The following UBE4B variants were observed in gnomAD, a reference collection of about 807,000 sequenced individuals.
UBE4B encodes ubiquitination factor E4B, also known as ubiquitin conjugation factor E4 B.
In UBE4B, 27 loss-of-function variants were observed where a neutral mutation model predicts 148.1. The ratio of observed to expected loss-of-function variants is 0.18; its 90% CI spans 0.13 to 0.25. The LOEUF (loss-of-function observed/expected upper bound fraction) is 0.25. Ranked by LOEUF, UBE4B falls within the 10% of genes least tolerant of loss-of-function variation. The probability of loss-of-function intolerance (pLI) is 1.00; values close to 1 mark genes in which losing one functional copy is unlikely to be tolerated. For synonymous variants in UBE4B, 596 were observed against 619.3 expected (o/e 0.96, Z 0.56); for missense variants, 1,170 against 1,662.4 (o/e 0.70, Z 5.15).
intron 2 of UBE4B, among the ~76,000 whole-genome samples, chr1:10,088,998 C>T (rs181475077): frequency 6.6e-6 from 1 of 152,174 alleles, no homozygotes; most frequent in East Asian, 1.9e-4. Flanking sequence ...TTTGTTTAGT[C>T]ACAAGAACAA....
At chr1:10,107,211 T>C (rs1344112425) in intron 7 of UBE4B, 1 of 1,289,524 alleles carries the variant, frequency 7.8e-7, no homozygotes, top group African/African-American at 1.5e-5. Context: ...TTTTTGCTTT[T>C]GTTGTGGTAG....
chr1:10,113,137 A>G (rs1404051328), intron 7 of UBE4B, among the ~76,000 whole-genome samples: 2 of 152,194 alleles, frequency 1.3e-5, no homozygotes, highest in Non-Finnish European at 2.9e-5. Context: ...TGAGGGCCTC[A>G]GAAAGCTTCC....
intron 1 of UBE4B, among the ~76,000 whole-genome samples, chr1:10,053,211 C>G (rs563528391): frequency 2.6e-5 from 4 of 151,696 alleles, no homozygotes; most frequent in African/African-American, 9.7e-5. Context: ...TGCAGTGGCG[C>G]GATCTCGGCT....
chr1:10,101,761 G>A (rs1288639303), intron 4 of UBE4B, among the ~76,000 whole-genome samples: 1 of 152,012 alleles, frequency 6.6e-6, no homozygotes, highest in Non-Finnish European at 1.5e-5. Context: ...ACCTGCCTTG[G>A]CTTCCCAAAG....
chr1:10,136,408 T>G (rs1645683705), intron 16 of UBE4B, among the ~76,000 whole-genome samples: 1 of 151,020 alleles, frequency 6.6e-6, no homozygotes, highest in East Asian at 1.9e-4. Flanking sequence ...AAATTGAGGC[T>G]GCAGTGATCT....
At chr1:10,171,473 C>T (rs571234470) in intron 25 of UBE4B, 144 bp downstream of exon 25, 24 of 1,029,876 alleles carry the variant, frequency 2.3e-5, no homozygotes, top group Admixed American at 8.4e-5. Context: ...GGGCTGGGCG[C>T]GGTGGCTCAG....
intron 2 of UBE4B, among the ~76,000 whole-genome samples, chr1:10,074,705 C>T (rs924072774): frequency 5.9e-5 from 9 of 152,212 alleles, no homozygotes; most frequent in African/African-American, 1.9e-4. Context: ...CATGCATTCT[C>T]TGTATCTGTT....
intron 1 of UBE4B, among the ~76,000 whole-genome samples, chr1:10,044,822 G>A (rs2101781016): frequency 6.6e-6 from 1 of 151,810 alleles, no homozygotes; most frequent in Admixed American, 6.6e-5. Flanking sequence ...AGCTCAAGCA[G>A]TCCACCCACC....
At chr1:10,054,494 G>A (rs888101913) in intron 1 of UBE4B, 2 of 428,466 alleles carry the variant, frequency 4.7e-6, no homozygotes, top group East Asian at 5.8e-5. Flanking sequence ...TCTTCCCATT[G>A]GTTCTCACAC....
At chr1:10,087,689 T>C (rs1393777300) in intron 2 of UBE4B, among the ~76,000 whole-genome samples, 1 of 152,234 alleles carries the variant, frequency 6.6e-6, no homozygotes, top group East Asian at 1.9e-4. Context: ...ATCCACATGA[T>C]GTCCCTGGTG....
chr1:10,108,640 C>T (rs949933279), intron 7 of UBE4B, among the ~76,000 whole-genome samples: 2 of 152,170 alleles, frequency 1.3e-5, no homozygotes, highest in African/African-American at 4.8e-5. Context: ...AGGTACACTT[C>T]ATTCAATTCG....
intron 20 of UBE4B, among the ~76,000 whole-genome samples, chr1:10,150,259 A>G (rs1645947648): frequency 6.6e-6 from 1 of 152,210 alleles, no homozygotes; most frequent in South Asian, 2.1e-4. Context: ...TTTGATTGGT[A>G]TGAAATTTTA....
chr1:10,101,052 T>C (rs1645002219), intron 3 of UBE4B, 56 bp from the exon 4 acceptor site: 1 of 1,494,176 alleles, frequency 6.7e-7, no homozygotes. Context: ...GCAGCTACAG[T>C]GACATTGTGC....
intron 17 of UBE4B, among the ~76,000 whole-genome samples, chr1:10,137,819 C>G (rs1645714974): frequency 6.6e-6 from 1 of 151,542 alleles, no homozygotes; most frequent in South Asian, 2.1e-4. Flanking sequence ...AATAATGATG[C>G]CACTTCTGCT....
chr1:10,169,165 T>C (rs2102027725), intron 24 of UBE4B, among the ~76,000 whole-genome samples: 1 of 152,296 alleles, frequency 6.6e-6, no homozygotes, highest in South Asian at 2.1e-4. Flanking sequence ...CTGCCCTGCT[T>C]CAGCCACCCC....
chr1:10,037,901 A>G lies in UBE4B; in HGVS notation c.24+4207A>G, dbSNP rs529236495. 6.6e-5 allele frequency among the ~76,000 whole-genome samples: 10 copies of G among 152,288 alleles called. No individual in the cohort carries two copies. The South Asian group carries it at 1.2e-3, about 19-fold the overall frequency. On this transcript the variant is annotated intron_variant, in intron 1 of 27. Coordinates refer to ENST00000343090, the MANE Select transcript of UBE4B (RefSeq NM_001105562.3). Reference sequence around the variant, plus strand: ...TTTTCGACAATGGTAATGAGATTGCATAAGTGATTTTTCTCTCCTAACTCT... The same window carrying G: ...TTTTCGACAATGGTAATGAGATTGCGTAAGTGATTTTTCTCTCCTAACTCT...
chr1:10,077,052 A>G (rs1644596279), intron 2 of UBE4B, among the ~76,000 whole-genome samples: 1 of 152,042 alleles, frequency 6.6e-6, no homozygotes, highest in Non-Finnish European at 1.5e-5. Flanking sequence ...GCCTAGTCCC[A>G]GCTTCTTGCA....
Position 10,174,392 on chromosome 1 carries a change from C to CAA in UBE4B, c.3525+3076_3525+3077dup, listed in dbSNP as rs796969203. Reference sequence around the variant, plus strand: ...TGGGTGACAGAGCAAGACTCCATATCAAAAAAAAAAAAAAGAAGAAGTATT... The same window carrying CAA: ...TGGGTGACAGAGCAAGACTCCATATCAAAAAAAAAAAAAAAAGAAGAAGTATT... On this transcript the variant is annotated intron_variant, in intron 25 of 27. Transcript: ENST00000343090. 3.8e-3 allele frequency among the ~76,000 whole-genome samples: 420 copies of CAA among 109,980 alleles called. 3 individuals are homozygous for CAA. The highest frequency in any genetic ancestry group is 0.013 in the African/African-American group (374 of 29,216). The allele number at this position is 109,980 out of a possible 152,430, so 72.2% of individuals were successfully genotyped here.
At chr1:10,148,089 C>T (rs1393662866) in intron 19 of UBE4B, among the ~76,000 whole-genome samples, 1 of 151,696 alleles carries the variant, frequency 6.6e-6, no homozygotes, top group Non-Finnish European at 1.5e-5. Context: ...TAGCTGGGCG[C>T]TGTGGCGGGT....
Sources: gnomAD v4.1 joint callset for allele counts (sites outside exome capture counted in the v4.1 genomes callset) on GRCh38, gnomAD v4.1.1 for gene constraint, MANE v1.5 for transcripts, NCBI Gene and HGNC (gene_info 2026-07-23, HGNC 2026-07-21) for gene names.